The following NEBL variants were observed in gnomAD, a reference collection of about 807,000 sequenced individuals.
NEBL encodes the protein LIM and SH3 protein 2.
In NEBL, 122 loss-of-function variants were observed where a neutral mutation model predicts 140.2. That is an observed-to-expected ratio of 0.87 (90% CI 0.75 to 1.01). The LOEUF is 1.01. Ranked by LOEUF, NEBL falls within the 50% of genes least tolerant of loss-of-function variation. NEBL has a pLI of 0.00. For missense variants in NEBL, 1,365 were observed against 1,231.3 expected, an observed-to-expected ratio of 1.11 and a Z score of -1.62; for synonymous variants, 436 against 398.9, an observed-to-expected ratio of 1.09 and a Z score of -1.11.
rs555072026 is a variant in NEBL, at chr10:21,190,546, C to T, written n.349-18069G>A. 9.9e-5 allele frequency among the ~76,000 whole-genome samples: 15 copies of T among 152,236 alleles called. No individual in the cohort carries two copies. The South Asian group carries it at 2.9e-3, about 30-fold the overall frequency. Reference sequence around the variant, plus strand: ...TACATCTCTGAGTAGTTAATAAGAACTTGGAAGGCAGAATCGTCCAAGGAT... The same window carrying T: ...TACATCTCTGAGTAGTTAATAAGAATTTGGAAGGCAGAATCGTCCAAGGAT... On this transcript the variant is annotated intron_variant and non_coding_transcript_variant, in intron 3 of 8. Coordinates refer to the NEBL transcript ENST00000675702.
At chr10:20,941,718 C>A (rs977794138) in intron 4 of NEBL, among the ~76,000 whole-genome samples, 1 of 151,998 alleles carries the variant, frequency 6.6e-6, no homozygotes, top group Non-Finnish European at 1.5e-5. Flanking sequence ...CTTAATTAAG[C>A]TAATAGGCAA....
At chr10:21,134,228 G>GA (rs143029785) in intron 2 of NEBL, among the ~76,000 whole-genome samples, 3,922 of 130,552 alleles carry the variant, frequency 0.03, 67 homozygotes, top group East Asian at 0.066. Context: ...TCCATCTCAA[G>GA]AAAAAAAAAA....
intron 1 of NEBL, among the ~76,000 whole-genome samples, chr10:21,284,036 T>TAAAAAA (rs5783774): frequency 1.5e-5 from 1 of 67,594 alleles, no homozygotes; most frequent in African/African-American, 6.5e-5. Flanking sequence ...TAATCTGCAC[T>TAAAAAA]AAAAAAAAAA....
intron 3 of NEBL, among the ~76,000 whole-genome samples, chr10:20,982,446 C>T (rs1837090065): frequency 6.6e-6 from 1 of 152,118 alleles, no homozygotes; most frequent in South Asian, 2.1e-4. Flanking sequence ...TGGTGATAAT[C>T]ATATTTAAAA....
intron 4 of NEBL, among the ~76,000 whole-genome samples, chr10:20,909,628 A>T (rs1452253326): frequency 6.6e-6 from 1 of 152,226 alleles, no homozygotes; most frequent in African/African-American, 2.4e-5. Flanking sequence ...ATGCTAATTG[A>T]AAATAGTATT....
At chr10:20,879,875 C>T (rs1182050224) in intron 5 of NEBL, among the ~76,000 whole-genome samples, 1 of 152,180 alleles carries the variant, frequency 6.6e-6, no homozygotes, top group Non-Finnish European at 1.5e-5. Context: ...CTCTTCTAGG[C>T]CACCAGGATG....
intron 2 of NEBL, among the ~76,000 whole-genome samples, chr10:21,043,282 C>G (rs1447447810): frequency 6.6e-6 from 1 of 152,134 alleles, no homozygotes; most frequent in East Asian, 1.9e-4. Flanking sequence ...TGGAGCAACA[C>G]CAACCAGTTG....
In NEBL at chr10:20,831,017, T is replaced by C. The variant is rs563739800; in HGVS notation, c.1671+179A>G. ...CATAATGTCTGTTGCATTGAATCTA[T>C]GACTGTTGTCCTATTAATTAGTACG... On this transcript the variant is annotated intron_variant, in intron 16 of 27. Coordinates refer to ENST00000377122, the MANE Select transcript of NEBL (RefSeq NM_006393.3). The C allele has an allele frequency of 2.6e-4, 168 of 634,562 alleles. 3 individuals carry two copies. The South Asian group carries it at 3.0e-3, about 11-fold the overall frequency. The allele number at this position is 634,562 out of a possible 1,614,324, so 39.3% of individuals were successfully genotyped here.
At chr10:21,138,172 C>T (rs1839443675) in intron 2 of NEBL, among the ~76,000 whole-genome samples, 1 of 152,056 alleles carries the variant, frequency 6.6e-6, no homozygotes, top group Admixed American at 6.5e-5. Flanking sequence ...CCAAAACAGT[C>T]TTATATTATT....
intron 2 of NEBL, chr10:21,126,050 G>C (rs1304760232): frequency 1.2e-6 from 2 of 1,614,050 alleles, no homozygotes; most frequent in East Asian, 4.5e-5. Context: ...CAGCTTTGCA[G>C]CCTTCTGGTC....
At chr10:21,227,318 T>C (rs1842165424) in intron 3 of NEBL, among the ~76,000 whole-genome samples, 1 of 152,222 alleles carries the variant, frequency 6.6e-6, no homozygotes, top group Non-Finnish European at 1.5e-5. Flanking sequence ...TCCCAAAGTT[T>C]TGGGAATTTT....
At chr10:21,077,054 T>C (rs1460120929) in intron 2 of NEBL, among the ~76,000 whole-genome samples, 2 of 152,248 alleles carry the variant, frequency 1.3e-5, no homozygotes, top group Non-Finnish European at 2.9e-5. Flanking sequence ...GTAACCTTTA[T>C]GTTACGTATA....
intron 1 of NEBL, among the ~76,000 whole-genome samples, chr10:21,273,136 T>C (rs183154359): frequency 3.2e-4 from 48 of 152,260 alleles, no homozygotes; most frequent in African/African-American, 1.0e-3. Context: ...TGGGAGCTTG[T>C]GGGCCCTCGG....
intron 10 of NEBL, among the ~76,000 whole-genome samples, chr10:20,851,899 G>A (rs1452400662): frequency 2.6e-5 from 4 of 152,024 alleles, no homozygotes; most frequent in Non-Finnish European, 5.9e-5. Context: ...ATGAAGGTGA[G>A]TACGAAATTA....
intron 3 of NEBL, among the ~76,000 whole-genome samples, chr10:20,973,126 A>G (rs923500916): frequency 6.6e-5 from 10 of 152,210 alleles, no homozygotes; most frequent in African/African-American, 2.2e-4. Flanking sequence ...TCTCCCTGCT[A>G]TGTAACAGCA....
intron 2 of NEBL, among the ~76,000 whole-genome samples, chr10:21,142,797 G>T (rs145342662): frequency 6.6e-6 from 1 of 152,052 alleles, no homozygotes; most frequent in Admixed American, 6.6e-5. Flanking sequence ...GATCCCAGTT[G>T]TGCTCCTTAT....
intron 2 of NEBL, among the ~76,000 whole-genome samples, chr10:20,895,484 G>A (rs59676170): frequency 0.096 from 14,572 of 152,056 alleles, 2,208 homozygotes; most frequent in African/African-American, 0.33. Flanking sequence ...CTATCTCCTC[G>A]CTTCAGAAAT....
upstream of NEBL, chr10:21,174,874 G>A (rs567765503): frequency 1.3e-5 from 2 of 152,212 alleles, no homozygotes; most frequent in Non-Finnish European, 2.9e-5. Context: ...TTTTAGGCCC[G>A]AGTCGAGCCT....
intron 3 of NEBL, among the ~76,000 whole-genome samples, chr10:20,978,754 C>CAA (rs60280860): frequency 1.9e-4 from 26 of 134,026 alleles, no homozygotes; most frequent in African/African-American, 2.7e-4. Flanking sequence ...GACCCTATCT[C>CAA]AAAAAAAAAA....
Sources: gnomAD v4.1 joint callset for allele counts (sites outside exome capture counted in the v4.1 genomes callset) on GRCh38, gnomAD v4.1.1 for gene constraint, MANE v1.5 for transcripts, NCBI Gene and HGNC (gene_info 2026-07-23, HGNC 2026-07-21) for gene names.